Variants in UMAD1 observed in about 807,000 individuals in gnomAD.
The protein encoded by UMAD1 is UBAP1-MVB12-associated (UMA) domain containing 1.
UMAD1 carries 8 observed loss-of-function variants against 6.1 expected under a neutral mutation model. That is an observed-to-expected ratio of 1.30 (90% confidence interval 0.76 to 2.35). The LOEUF is 2.35. Among genes scored for constraint, UMAD1 ranks in the 30% most tolerant of loss-of-function variants. The probability of loss-of-function intolerance (pLI) is 0.00; values close to 1 mark genes in which losing one functional copy is unlikely to be tolerated. For synonymous variants in UMAD1, 56 were observed against 31.4 expected (o/e 1.78, Z -2.61); for missense variants, 130 against 78.4 (o/e 1.66, Z -2.49).
intron 2 of UMAD1, among the ~76,000 whole-genome samples, chr7:7,775,561 C>T (rs1291032168): frequency 6.6e-6 from 1 of 152,148 alleles, no homozygotes; most frequent in Non-Finnish European, 1.5e-5. Context: ...TATAAATTAC[C>T]CAGTCTCAGG....
intron 1 of UMAD1, among the ~76,000 whole-genome samples, chr7:7,645,285 G>C (rs1463683233): frequency 6.6e-6 from 1 of 152,020 alleles, no homozygotes; most frequent in Non-Finnish European, 1.5e-5. Context: ...GTCAAGATGG[G>C]GTTTAGCTGC....
chr7:7,855,619 T>G (rs1784001963), intron 3 of UMAD1, among the ~76,000 whole-genome samples: 1 of 152,220 alleles, frequency 6.6e-6, no homozygotes, highest in Non-Finnish European at 1.5e-5. Context: ...CGTCTTTTCC[T>G]CCTAGGCCTC....
At chr7:7,845,596 T>G (rs1394671725) in intron 3 of UMAD1, among the ~76,000 whole-genome samples, 1 of 152,164 alleles carries the variant, frequency 6.6e-6, no homozygotes, top group Non-Finnish European at 1.5e-5. Context: ...CACTGAACTC[T>G]TTAAAGCAAA....
intron 2 of UMAD1, among the ~76,000 whole-genome samples, chr7:7,721,926 G>T (rs750928812): frequency 1.3e-5 from 2 of 152,072 alleles, no homozygotes; most frequent in African/African-American, 4.8e-5. Flanking sequence ...TCAGCTGCCC[G>T]CTTGGCTGGG....
chr7:7,764,800 C>T (rs1781954165), intron 2 of UMAD1, among the ~76,000 whole-genome samples: 1 of 152,188 alleles, frequency 6.6e-6, no homozygotes, highest in Non-Finnish European at 1.5e-5. Flanking sequence ...CCTGCCCTTT[C>T]TCTAAGCACC....
intron 2 of UMAD1, among the ~76,000 whole-genome samples, chr7:7,692,831 T>A (rs1463962594): frequency 2.0e-5 from 3 of 152,114 alleles, no homozygotes; most frequent in African/African-American, 7.2e-5. Flanking sequence ...ATGGTCTTGA[T>A]CTCTTGACCT....
At chr7:7,670,348 T>C (rs537891255) in intron 1 of UMAD1, among the ~76,000 whole-genome samples, 3 of 150,634 alleles carry the variant, frequency 2.0e-5, no homozygotes, top group African/African-American at 7.5e-5. Flanking sequence ...TCGTAAAGGG[T>C]CTCTCTATAT....
chr7:7,857,062 T>C (rs1784032078), intron 3 of UMAD1, among the ~76,000 whole-genome samples: 1 of 152,256 alleles, frequency 6.6e-6, no homozygotes, highest in African/African-American at 2.4e-5. Context: ...TATATCACAT[T>C]ATTCGGTTTT....
chr7:7,725,409 A>G (rs547291642), intron 2 of UMAD1, among the ~76,000 whole-genome samples: 3 of 152,274 alleles, frequency 2.0e-5, no homozygotes, highest in Non-Finnish European at 4.4e-5. Context: ...GGTGGCAGAT[A>G]GGGATGCTAT....
chr7:7,661,508 T>G lies in UMAD1; in HGVS notation c.-63-11801T>G, dbSNP rs573212550. On this transcript the variant is annotated intron_variant, in intron 1 of 3. Coordinates refer to ENST00000682710, the MANE Select transcript of UMAD1 (RefSeq NM_001302348.2). ...GTGGGGTTTCTGAGTGGACATCATT[T>G]TGTTGATGTTGATGCTCCTCCTTTC... 2.6e-5 allele frequency among the ~76,000 whole-genome samples: 4 copies of G among 152,290 alleles called. No individual in the cohort carries two copies. In the South Asian group the frequency reaches 8.3e-4, roughly 32 times the overall value.
At chr7:7,716,029 A>G (rs960148148) in intron 2 of UMAD1, among the ~76,000 whole-genome samples, 1 of 152,230 alleles carries the variant, frequency 6.6e-6, no homozygotes, top group Non-Finnish European at 1.5e-5. Context: ...TAAATTAGAA[A>G]CTAATATATG....
chr7:7,660,040 C>G (rs982195696), intron 1 of UMAD1, among the ~76,000 whole-genome samples: 15 of 152,198 alleles, frequency 9.9e-5, no homozygotes, highest in Admixed American at 5.2e-4. Context: ...GCATTGATCC[C>G]TTTACCATTA....
chr7:7,745,516 A>C lies in UMAD1; in HGVS notation c.83-56154A>C, dbSNP rs115042894. Among the ~76,000 whole-genome samples the C allele has an allele frequency of 4.6e-3, 696 of 151,662 alleles. 7 individuals are homozygous for C. The highest frequency in any genetic ancestry group is 0.016 in the African/African-American group (660 of 41,140). ...GAATTCAGGAAGCATTTATTTTGGT[A>C]TCTGCTAATGTACTAGACACTGTGA... On this transcript the variant is annotated intron_variant, in intron 2 of 3. Coordinates refer to ENST00000682710, the MANE Select transcript of UMAD1 (RefSeq NM_001302348.2).
rs558966345 is a variant in UMAD1, at chr7:7,801,262, C to T, written c.83-408C>T. 1.6e-4 allele frequency among the ~76,000 whole-genome samples: 24 copies of T among 152,330 alleles called. No individual in the cohort carries two copies. The East Asian group carries it at 4.0e-3, about 26-fold the overall frequency. Reference sequence around the variant, plus strand: ...ATCTACTCCAAGGCAAATCCACAAACGCTTACAAAGAGTAAGCCTTATGAA... The same window carrying T: ...ATCTACTCCAAGGCAAATCCACAAATGCTTACAAAGAGTAAGCCTTATGAA... On this transcript the variant is annotated intron_variant, in intron 2 of 3. Coordinates refer to ENST00000682710, the MANE Select transcript of UMAD1 (RefSeq NM_001302348.2).
rs193069003 is a variant in UMAD1 at position 7,655,080 on chromosome 7, T to C, written c.-64+14259T>C. On this transcript the variant is annotated intron_variant, in intron 1 of 3. Coordinates refer to ENST00000682710, the MANE Select transcript of UMAD1 (RefSeq NM_001302348.2). ...GCTATGCTAGCAGGATTTACTGTTA[T>C]AGTAACAGCAATGATTCCAGACAGT... Among the ~76,000 whole-genome samples the C allele has an allele frequency of 5.7e-4, 87 of 152,302 alleles. 1 individual carries two copies. The highest frequency in any genetic ancestry group is 2.0e-3 in the African/African-American group (85 of 41,556).
At chr7:7,745,398 T>C (rs915914548) in intron 2 of UMAD1, among the ~76,000 whole-genome samples, 8 of 152,192 alleles carry the variant, frequency 5.3e-5, no homozygotes, top group African/African-American at 1.7e-4. Context: ...TGGGAAACTC[T>C]GAACTCCTTA....
At chr7:7,859,247 G>C (rs1359553987) in intron 3 of UMAD1, among the ~76,000 whole-genome samples, 1 of 152,110 alleles carries the variant, frequency 6.6e-6, no homozygotes, top group Non-Finnish European at 1.5e-5. Flanking sequence ...AATACATTCT[G>C]ACTTCTTAAT....
At chr7:7,756,112 T>C (rs1249162395) in intron 2 of UMAD1, among the ~76,000 whole-genome samples, 1 of 152,140 alleles carries the variant, frequency 6.6e-6, no homozygotes, top group Non-Finnish European at 1.5e-5. Flanking sequence ...TCAGAGTAAA[T>C]GCTAAAACTA....
chr7:7,832,099 A>T (rs1263424498), intron 3 of UMAD1, among the ~76,000 whole-genome samples: 1 of 152,196 alleles, frequency 6.6e-6, no homozygotes, highest in Non-Finnish European at 1.5e-5. Flanking sequence ...AATTTGTGCT[A>T]AGCATATTTT....
Sources: allele counts gnomAD v4.1 joint callset (sites outside exome capture counted in the v4.1 genomes callset), GRCh38; gene constraint gnomAD v4.1.1; transcripts MANE v1.5; gene names NCBI Gene and HGNC (gene_info 2026-07-23, HGNC 2026-07-21).